VWC2: variants seen among roughly 807,000 people sequenced by gnomAD.
VWC2 encodes the protein brorin.
A neutral mutation model predicts 29.8 loss-of-function variants in VWC2; 14 were observed. The observed-to-expected ratio is 0.47, with a 90% confidence interval of 0.31 to 0.74. The LOEUF is 0.74. Ranked by LOEUF, VWC2 falls within the 30% of genes least tolerant of loss-of-function variation. The pLI is 0.05. For synonymous variants in VWC2, 213 were observed against 199.0 expected (o/e 1.07, Z -0.59); for missense variants, 457 against 459.8 (o/e 0.99, Z 0.05).
At chr7:49,788,971 G>C (rs907016844) in intron 2 of VWC2, among the ~76,000 whole-genome samples, 5 of 149,828 alleles carry the variant, frequency 3.3e-5, no homozygotes, top group South Asian at 4.3e-4. Flanking sequence ...GCATGAGTGT[G>C]TGTGAGCATG....
In VWC2 at chr7:49,775,791, A is replaced by G. The variant is rs1234369624; in HGVS notation, c.356A>G (p.Gln119Arg). ...LQVRPRGDTP[Q>R]AEALAAAAQD... ...GTCCGGCCCCGCGGGGACACCCCGCAGGCGGAAGCCCTGGCCGCAGCCGCC... is the reference window on the plus strand; with the variant it reads ...GTCCGGCCCCGCGGGGACACCCCGCGGGCGGAAGCCCTGGCCGCAGCCGCC... The change falls in exon 2 of 4, where the codon CAG becomes CGG. Residue 119 changes from glutamine to arginine, a missense_variant. Physicochemically the swap from Gln to Arg is conservative, Grantham distance 43. Around this residue, in one of 2 missense-constraint regions of VWC2, gnomAD observed 272 missense variants for 202.7 expected, o/e 1.34. Coordinates refer to ENST00000340652, the MANE Select transcript of VWC2 (RefSeq NM_198570.5). The G allele has an allele frequency of 5.2e-6, 8 of 1,529,554 alleles. No individual in the cohort carries two copies. The highest frequency in any genetic ancestry group is 7.0e-6 in the Non-Finnish European group (8 of 1,138,786). 94.7% of individuals were successfully genotyped at this position (1,529,554 alleles called of 1,614,324 possible). A position where few individuals can be genotyped will look rare whatever the true frequency, so the allele number is the denominator to read the frequency against.
chr7:49,803,944 T>C (rs1344823377), intron 3 of VWC2, among the ~76,000 whole-genome samples: 7 of 152,152 alleles, frequency 4.6e-5, no homozygotes, highest in Admixed American at 4.6e-4. Context: ...TGTTGAAGGA[T>C]AGACCTGAAA....
intron 3 of VWC2, among the ~76,000 whole-genome samples, chr7:49,848,088 C>G (rs1316069888): frequency 1.3e-5 from 2 of 152,214 alleles, no homozygotes; most frequent in Admixed American, 1.3e-4. Context: ...CTAATTAGAT[C>G]TGTCTCTGGG....
At chr7:49,887,621 T>C (rs142194889) in intron 3 of VWC2, among the ~76,000 whole-genome samples, 6 of 152,168 alleles carry the variant, frequency 3.9e-5, no homozygotes, top group African/African-American at 1.4e-4. Context: ...TTTCCATTTG[T>C]ACAGGATTCA....
chr7:49,919,532 A>T lies in VWC2; in HGVS notation c.*7347A>T, dbSNP rs1442282954. 2 of 152,202 alleles carry T rather than the reference A, an allele frequency of 1.3e-5. No individual in the cohort carries two copies. The highest frequency in any genetic ancestry group is 4.8e-5 in the African/African-American group (2 of 41,456). 9.4% of individuals were successfully genotyped at this position (152,202 alleles called of 1,614,324 possible). ...GCTTGGGCTAGTTATACTCTGCAGT[A>T]TACCCTGGTTTATTGTGAGGATTAA... On this transcript the variant is annotated 3_prime_UTR_variant, in exon 4 of 4. Coordinates refer to ENST00000340652, the MANE Select transcript of VWC2 (RefSeq NM_198570.5).
intron 3 of VWC2, among the ~76,000 whole-genome samples, chr7:49,876,879 TAAAAC>T (rs1293644313): frequency 6.6e-6 from 1 of 152,124 alleles, no homozygotes; most frequent in African/African-American, 2.4e-5. Flanking sequence ...CGAGATGACT[TAAAAC>T]AAAGTCTAAA....
At chr7:49,816,954 A>G (rs1789160559) in intron 3 of VWC2, among the ~76,000 whole-genome samples, 1 of 152,176 alleles carries the variant, frequency 6.6e-6, no homozygotes, top group African/African-American at 2.4e-5. Flanking sequence ...CAGACACTCA[A>G]GACTGCTTTC....
chr7:49,833,459 C>T (rs548501100), intron 3 of VWC2, among the ~76,000 whole-genome samples: 1 of 152,236 alleles, frequency 6.6e-6, no homozygotes, highest in African/African-American at 2.4e-5. Context: ...AGCAGCCAAA[C>T]AAGGAAGTGG....
intron 3 of VWC2, among the ~76,000 whole-genome samples, chr7:49,909,832 G>A (rs1301430079): frequency 2.0e-5 from 3 of 152,270 alleles, no homozygotes; most frequent in South Asian, 4.2e-4. Flanking sequence ...GGCTGGGTGC[G>A]GCAACTCATT....
At chr7:49,896,134 A>G (rs1792372318) in intron 3 of VWC2, among the ~76,000 whole-genome samples, 1 of 152,172 alleles carries the variant, frequency 6.6e-6, no homozygotes, top group South Asian at 2.1e-4. Context: ...TGAGGTTAGG[A>G]GTTTGAGACT....
At chr7:49,881,067 C>A (rs1011592316) in intron 3 of VWC2, among the ~76,000 whole-genome samples, 4 of 152,124 alleles carry the variant, frequency 2.6e-5, no homozygotes, top group Admixed American at 2.6e-4. Flanking sequence ...TGGCCAATAT[C>A]TTGCCCTATC....
At chr7:49,781,409 G>A (rs1266372214) in intron 2 of VWC2, among the ~76,000 whole-genome samples, 1 of 152,028 alleles carries the variant, frequency 6.6e-6, no homozygotes, top group South Asian at 2.1e-4. Flanking sequence ...TTTTACAGTG[G>A]GCAGAAGGGA....
chr7:49,775,552 A>G lies in VWC2; in HGVS notation c.117A>G (p.Ala39=). The change falls in exon 2 of 4, where the codon GCA becomes GCG. Residue 39 remains alanine, a synonymous_variant. Coordinates refer to ENST00000340652, the MANE Select transcript of VWC2 (RefSeq NM_198570.5). ...TCCCGCTGGAGAAGCTGGCCCAGGCACCAGAGCAGCCGGGCCAGGAGAAGC... is the reference window on the plus strand; with the variant it reads ...TCCCGCTGGAGAAGCTGGCCCAGGCGCCAGAGCAGCCGGGCCAGGAGAAGC... ...PSIPLEKLAQ[A]PEQPGQEKRE... 1 of 1,556,322 alleles carries G rather than the reference A, an allele frequency of 6.4e-7. No individual in the cohort carries two copies. Among genetic ancestry groups the G allele is most frequent in the Non-Finnish European group, 8.7e-7 (1 of 1,154,422 alleles).
intron 3 of VWC2, among the ~76,000 whole-genome samples, chr7:49,864,417 T>G (rs1325256929): frequency 6.6e-6 from 1 of 152,190 alleles, no homozygotes; most frequent in Non-Finnish European, 1.5e-5. Context: ...TTTCTGATCA[T>G]GCATCTTACC....
At position 49,870,651 on chromosome 7, in the gene VWC2, G is replaced by T. The variant is rs141301954; in HGVS notation, c.827-41383G>T. On this transcript the variant is annotated intron_variant, in intron 3 of 3. Transcript: ENST00000340652. ...CTATAGCTCACATGTGCATCAGGAA[G>T]GCCGAAAAGGGCTCCCCTTCTGAAA... Among the ~76,000 whole-genome samples the T allele has an allele frequency of 8.2e-3, 1,251 of 152,298 alleles. 13 individuals carry two copies. The highest frequency in any genetic ancestry group is 9.5e-3 in the Non-Finnish European group (646 of 68,034).
At chr7:49,835,156 T>C (rs1789628498) in intron 3 of VWC2, among the ~76,000 whole-genome samples, 1 of 152,338 alleles carries the variant, frequency 6.6e-6, no homozygotes, top group Non-Finnish European at 1.5e-5. Context: ...TGGCTATTCA[T>C]TGTTGAACTA....
At chr7:49,902,261 G>C (rs1792794269) in intron 3 of VWC2, among the ~76,000 whole-genome samples, 2 of 151,910 alleles carry the variant, frequency 1.3e-5, no homozygotes, top group East Asian at 3.9e-4. Context: ...CCACAGACTG[G>C]AAGAAAACAT....
At chr7:49,784,054 C>A (rs981500254) in intron 2 of VWC2, among the ~76,000 whole-genome samples, 1 of 152,158 alleles carries the variant, frequency 6.6e-6, no homozygotes, top group African/African-American at 2.4e-5. Context: ...TGACAACTCA[C>A]CTTCAACAAA....
chr7:49,859,802 A>G (rs867535636), intron 3 of VWC2, among the ~76,000 whole-genome samples: 5,587 of 137,900 alleles, frequency 0.041, 326 homozygotes, highest in African/African-American at 0.17. Context: ...ACACACACAC[A>G]CACACACACA....
Sources: gnomAD v4.1 joint callset for allele counts (sites outside exome capture counted in the v4.1 genomes callset) on GRCh38, gnomAD v4.1.1 for gene constraint, gnomAD v4.1.1 regional missense constraint, MANE v1.5 for transcripts, NCBI Gene and HGNC (gene_info 2026-07-23, HGNC 2026-07-21) for gene names.